The following THUMPD3 variants were observed in gnomAD, a reference collection of about 807,000 sequenced individuals.
THUMPD3 encodes THUMP domain 3 tRNA guanosine methyltransferase.
In THUMPD3, 44 loss-of-function variants were observed where a neutral mutation model predicts 54.5. The ratio of observed to expected loss-of-function variants is 0.81; its 90% CI spans 0.63 to 1.04. THUMPD3 has a LOEUF of 1.04. Among genes scored for constraint, THUMPD3 ranks in the 50% least tolerant of loss-of-function variants. The probability of loss-of-function intolerance (pLI) is 0.00; values close to 1 mark genes in which losing one functional copy is unlikely to be tolerated. For synonymous variants in THUMPD3, 196 were observed against 201.4 expected, an observed-to-expected ratio of 0.97 and a Z score of 0.23; for missense variants, 604 against 601.3, an observed-to-expected ratio of 1.00 and a Z score of -0.05.
Position 9,371,404 on chromosome 3 carries a change from G to A in THUMPD3, c.675G>A (p.Leu225=), listed in dbSNP as rs2032027351. 1 of 1,614,196 alleles carries A rather than the reference G, an allele frequency of 6.2e-7. No homozygotes were observed. Among genetic ancestry groups the A allele is most frequent in the Non-Finnish European group, 8.5e-7 (1 of 1,180,040 alleles). Reference sequence around the variant, plus strand: ...AAGAAGAAACTGAGCCTCAAGTGCTGAAGTTTAGAGTCACATGCAACAGGG... The same window carrying A: ...AAGAAGAAACTGAGCCTCAAGTGCTAAAGTTTAGAGTCACATGCAACAGGG... ...SSKEETEPQV[L]KFRVTCNRAG... is the part of the protein sequence containing the mutation. The change falls in exon 4 of 10, where the codon CTG becomes CTA. Residue 225 remains leucine (L), a synonymous_variant. Transcript: ENST00000452837.
chr3:9,372,437 C>A (rs1376164163), intron 4 of THUMPD3, among the ~76,000 whole-genome samples: 1 of 151,816 alleles, frequency 6.6e-6, no homozygotes, highest in Non-Finnish European at 1.5e-5. Context: ...AAAATTGGCC[C>A]GTCATGATGG....
chr3:9,385,804 A>G lies in THUMPD3; in HGVS notation c.*1116A>G, dbSNP rs962676936. 6.6e-6 allele frequency: 1 copy of G among 152,192 alleles called. No individual in the cohort carries two copies. Among genetic ancestry groups the G allele is most frequent in the African/African-American group, 2.4e-5 (1 of 41,420 alleles). 9.4% of individuals were successfully genotyped at this position (152,192 alleles called of 1,614,324 possible). A position where few individuals can be genotyped will look rare whatever the true frequency, so the allele number is the denominator to read the frequency against. On this transcript the variant is annotated 3_prime_UTR_variant, in exon 10 of 10. Coordinates refer to ENST00000452837, the MANE Select transcript of THUMPD3 (RefSeq NM_001114092.2). Reference sequence around the variant, plus strand: ...GAGAAAAAAAATGATATATCTTTGGAAAACTTTTAATTTGGGAGTTATGTG... The same window carrying G: ...GAGAAAAAAAATGATATATCTTTGGGAAACTTTTAATTTGGGAGTTATGTG...
chr3:9,367,045 C>T lies in THUMPD3; in HGVS notation c.330+60C>T. On this transcript the variant is annotated intron_variant, in intron 3 of 9. Transcript: ENST00000452837. ...CTGTCTTCCACAAAGAGATTATTTC[C>T]ATTTTTCATAGTCTGTGAAAGTTTA... is the stretch of plus-strand genomic sequence containing the variant. The T allele has an allele frequency of 3.0e-6, 4 of 1,326,098 alleles. No individual in the cohort carries two copies. In the South Asian group the frequency reaches 3.7e-5, roughly 12 times the overall value. The allele number at this position is 1,326,098 out of a possible 1,614,324, so 82.1% of individuals were successfully genotyped here.
At chr3:9,378,648 C>A (rs2032652981) in intron 6 of THUMPD3, among the ~76,000 whole-genome samples, 1 of 152,188 alleles carries the variant, frequency 6.6e-6, no homozygotes. Flanking sequence ...GACAGATGAG[C>A]AAGTCCAAAG....
At chr3:9,384,102 A>G in intron 8 of THUMPD3, 110 bp from the exon 9 acceptor site, 1 of 1,234,960 alleles carries the variant, frequency 8.1e-7, no homozygotes, top group Non-Finnish European at 1.1e-6. Flanking sequence ...GGTTTCTAAA[A>G]CTACAGCTAT....
chr3:9,385,750 A>G lies in THUMPD3; in HGVS notation c.*1062A>G, dbSNP rs1203079866. On this transcript the variant is annotated 3_prime_UTR_variant, in exon 10 of 10. Transcript: ENST00000452837. ...AACCAAACACAAACCTGTCAAGAGT[A>G]TTTGTTGGCTAGTTTCTTAAAAGGC... 1 of 152,232 alleles carries G rather than the reference A, an allele frequency of 6.6e-6. No homozygotes were observed. Among genetic ancestry groups the G allele is most frequent in the East Asian group, 1.9e-4 (1 of 5,190 alleles). The allele number at this position is 152,232 out of a possible 1,614,324, so 9.4% of individuals were successfully genotyped here.
chr3:9,370,840 A>C (rs143204812), intron 3 of THUMPD3, among the ~76,000 whole-genome samples: 1 of 152,320 alleles, frequency 6.6e-6, no homozygotes, highest in East Asian at 1.9e-4. Flanking sequence ...GGTAAGATAG[A>C]GATGATTTAA....
intron 3 of THUMPD3, among the ~76,000 whole-genome samples, chr3:9,370,704 C>T (rs1419667647): frequency 6.6e-6 from 1 of 152,208 alleles, no homozygotes; most frequent in African/African-American, 2.4e-5. Flanking sequence ...CTTCAGCTTC[C>T]TAAAGTGCTG....
intron 1 of THUMPD3, 37 bp downstream of exon 1, chr3:9,363,164 C>G (rs1031420386): frequency 6.6e-6 from 1 of 152,434 alleles, no homozygotes; most frequent in Non-Finnish European, 1.5e-5. Flanking sequence ...GAGTGTGGCT[C>G]TTCTGGTGTT....
Position 9,367,079 on chromosome 3 carries a change from G to C in THUMPD3, c.330+94G>C, listed in dbSNP as rs895104133. 4.2e-6 allele frequency: 4 copies of C among 962,512 alleles called. No homozygotes were observed. The East Asian group carries it at 9.8e-5, about 24-fold the overall frequency. The allele number at this position is 962,512 out of a possible 1,614,324, so 59.6% of individuals were successfully genotyped here. A position where few individuals can be genotyped will look rare whatever the true frequency, so the allele number is the denominator to read the frequency against. On this transcript the variant is annotated intron_variant, in intron 3 of 9. Transcript: ENST00000452837. Reference sequence around the variant, plus strand: ...TAGTCTGTGAAAGTTTAGCATTACTGTAGTCTTTGTAATAGAGAATACTGG... The same window carrying C: ...TAGTCTGTGAAAGTTTAGCATTACTCTAGTCTTTGTAATAGAGAATACTGG...
At position 9,380,518 on chromosome 3, in the gene THUMPD3, TCTGA is replaced by T. The variant is rs769856185; in HGVS notation, c.1028_1031del (p.Asp343ValfsTer13). On this transcript the variant is annotated frameshift_variant, in exon 7 of 10. Transcript: ENST00000452837. LOFTEE classifies it high-confidence loss of function. ...TATCTTTTAGGGGGCCACTGAATGG[TCTGA>T]CTGTTTCCATATTGCTGGTGATAAT... The T allele has an allele frequency of 2.5e-5, 41 of 1,611,750 alleles. No homozygotes were observed. The highest frequency in any genetic ancestry group is 8.0e-5 in the African/African-American group (6 of 74,856).
chr3:9,368,275 C>T (rs566017246), intron 3 of THUMPD3, among the ~76,000 whole-genome samples: 16 of 151,658 alleles, frequency 1.1e-4, no homozygotes, highest in Admixed American at 7.9e-4. Context: ...CTCAAGTGAT[C>T]CTCCCACTTA....
Position 9,371,462 on chromosome 3 carries a change from G to A in THUMPD3, c.733G>A (p.Ala245Thr). The part of the protein sequence containing the change: ...GEKHCFTSNE[A>T]ARDFGGAVQD... ...GAAACATTGCTTTACCTCAAATGAG[G>A]CTGCAAGAGATTTTGGGGGTGCTGT... Residue 245 changes from alanine to threonine, a missense_variant, in exon 4 of 10, where the codon GCT (alanine) becomes ACT (threonine). Ala to Thr is a moderately conservative substitution (Grantham distance 58). Transcript: ENST00000452837. The A allele has an allele frequency of 3.1e-6, 5 of 1,614,188 alleles. No individual in the cohort carries two copies. The highest frequency in any genetic ancestry group is 4.2e-6 in the Non-Finnish European group (5 of 1,180,038).
chr3:9,369,309 CAAAAAAAAA>C (rs779602979), intron 3 of THUMPD3, among the ~76,000 whole-genome samples: 4 of 60,846 alleles, frequency 6.6e-5, no homozygotes, highest in Non-Finnish European at 8.4e-5. Context: ...GACTCCGTCT[CAAAAAAAAA>C]AAAAAAAAAA....
At chr3:9,366,822 T>C (rs777486173) in intron 2 of THUMPD3, 86 bp from the exon 3 acceptor site, 47 of 1,069,566 alleles carry the variant, frequency 4.4e-5, no homozygotes, top group Non-Finnish European at 6.0e-5. Flanking sequence ...AAAACTATCA[T>C]TCCTAATTTT....
In THUMPD3 at chr3:9,376,389, A is replaced by C. The variant is rs564362296; in HGVS notation, c.939-1430A>C. ...TTCTCATCTAAATTTATGTATTTCC[A>C]ATTCCAAACGACCAACCCACACTGC... is the stretch of plus-strand genomic sequence containing the variant. On this transcript the variant is annotated intron_variant, in intron 5 of 9. Transcript: ENST00000452837. Among the ~76,000 whole-genome samples the C allele has an allele frequency of 9.2e-5, 14 of 152,256 alleles. No individual in the cohort carries two copies. The East Asian group carries it at 1.7e-3, about 19-fold the overall frequency.
At chr3:9,377,203 C>T (rs1025042540) in intron 5 of THUMPD3, among the ~76,000 whole-genome samples, 9 of 148,822 alleles carry the variant, frequency 6.0e-5, no homozygotes, top group Admixed American at 4.7e-4. Flanking sequence ...TATGCATGAG[C>T]GTGTGTGTGT....
rs1027752552 is a variant in THUMPD3 at position 9,382,542 on chromosome 3, C to T, written c.1125-657C>T. The stretch of plus-strand genomic sequence containing the variant: ...TTTTCTTTTAGGCCTCCTGTTATTA[C>T]TAGTTTTACAAACTTTATTCTTCAG... On this transcript the variant is annotated intron_variant, in intron 7 of 9. Transcript: ENST00000452837. 2.0e-5 allele frequency among the ~76,000 whole-genome samples: 3 copies of T among 152,144 alleles called. No individual in the cohort carries two copies. The East Asian group carries it at 5.8e-4, about 29-fold the overall frequency.
Position 9,365,663 on chromosome 3 carries a change from C to T in THUMPD3, c.252+343C>T, listed in dbSNP as rs59404626. Among the ~76,000 whole-genome samples the T allele has an allele frequency of 4.9e-3, 751 of 151,906 alleles. 5 individuals are homozygous for T. Among genetic ancestry groups the T allele is most frequent in the African/African-American group, 0.017 (704 of 41,414 alleles). On this transcript the variant is annotated intron_variant, in intron 2 of 9. Coordinates refer to ENST00000452837, the MANE Select transcript of THUMPD3 (RefSeq NM_001114092.2). ...CTGGAGTGCAATGGCGCGATCTTGG[C>T]TCACTGCAACCTCCGCCTCCCAGGT...
Sources: allele counts gnomAD v4.1 joint callset (sites outside exome capture counted in the v4.1 genomes callset), GRCh38; gene constraint gnomAD v4.1.1; transcripts MANE v1.5; gene names NCBI Gene and HGNC (gene_info 2026-07-23, HGNC 2026-07-21).